CAPN3: variants seen among roughly 807,000 people sequenced by gnomAD.
CAPN3 encodes the protein calpain-3.
In CAPN3, 88 loss-of-function variants were observed where a neutral mutation model predicts 114.0. That is an observed-to-expected ratio of 0.77 (90% CI 0.65 to 0.92). The LOEUF (loss-of-function observed/expected upper bound fraction) is 0.92, where lower values mean the gene tolerates loss of function less well. CAPN3 is among the 40% of genes least tolerant of loss of function. CAPN3 has a pLI of 0.00. For synonymous variants in CAPN3, 386 were observed against 382.9 expected (o/e 1.01, Z -0.09); for missense variants, 1,028 against 1,069.0 (o/e 0.96, Z 0.53).
intron 1 of CAPN3, among the ~76,000 whole-genome samples, chr15:42,371,869 C>A (rs2052957554): frequency 6.6e-6 from 1 of 151,744 alleles, no homozygotes; most frequent in Non-Finnish European, 1.5e-5. Context: ...GAGGCTGAGG[C>A]AGGAGAATCG....
intron 6 of CAPN3, among the ~76,000 whole-genome samples, chr15:42,391,835 C>T (rs1385170804): frequency 6.6e-6 from 1 of 152,060 alleles, no homozygotes. Context: ...ATATTATGTT[C>T]CAGGTGGGTG....
intron 1 of CAPN3, among the ~76,000 whole-genome samples, chr15:42,375,324 C>T (rs1252222822): frequency 6.6e-6 from 1 of 152,106 alleles, no homozygotes; most frequent in Non-Finnish European, 1.5e-5. Flanking sequence ...CATTCATGTG[C>T]TGTCGCTTCT....
chr15:42,365,572 T>TCTTTTCCCCTCAC lies in CAPN3; in HGVS notation c.309+5474_309+5486dup, dbSNP rs778272397. On this transcript the variant is annotated intron_variant, in intron 1 of 23. Coordinates refer to ENST00000397163, the MANE Select transcript of CAPN3 (RefSeq NM_000070.3). ...TGGTGGCTGGAGCTCCAGCTATGGG[T>TCTTTTCCCCTCAC]CTTTTCCCCTCACCTTTTCCCCTCA... Among the ~76,000 whole-genome samples the TCTTTTCCCCTCAC allele has an allele frequency of 9.9e-4, 151 of 151,932 alleles. 1 individual carries two copies. The highest frequency in any genetic ancestry group is 3.5e-3 in the African/African-American group (145 of 41,394).
chr15:42,403,874 A>AG, intron 14 of CAPN3, 97 bp downstream of exon 14: 1 of 1,061,328 alleles, frequency 9.4e-7, no homozygotes. Flanking sequence ...GCACTGGCAG[A>AG]GGGAATGGGA....
At position 42,368,135 on chromosome 15, in the gene CAPN3, A is replaced by C. The variant is rs139829711; in HGVS notation, c.309+8021A>C. Among the ~76,000 whole-genome samples, 243 of 152,286 alleles carry C rather than the reference A, an allele frequency of 1.6e-3. 1 individual carries two copies. The highest frequency in any genetic ancestry group is 5.6e-3 in the African/African-American group (234 of 41,564). ...CCTACTCGCTAAGGTTTGTCTCCTC[A>C]AAATTAGTACTTGAGGTGTTTTTGC... On this transcript the variant is annotated intron_variant, in intron 1 of 23. Coordinates refer to ENST00000397163, the MANE Select transcript of CAPN3 (RefSeq NM_000070.3).
rs148855999 is a variant in CAPN3 at position 42,387,838 on chromosome 15, A to G, written c.584A>G (p.Asn195Ser). 8.6e-5 allele frequency: 139 copies of G among 1,614,192 alleles called. No individual in the cohort carries two copies. The highest frequency in any genetic ancestry group is 1.5e-4 in the African/African-American group (11 of 75,050). ...YNNQLVFTKS[N>S]HRNEFWSALL... Reference sequence around the variant, plus strand: ...AATCAACTGGTTTTCACCAAGTCCAACCACCGCAATGAGTTCTGGAGTGCT... The same window carrying G: ...AATCAACTGGTTTTCACCAAGTCCAGCCACCGCAATGAGTTCTGGAGTGCT... The change falls in exon 4 of 24, where the codon AAC (asparagine) becomes AGC (serine). Residue 195 changes from asparagine to serine, a missense_variant. By Grantham distance (46) the Asn-to-Ser change is conservative (BLOSUM62 1). Transcript: ENST00000397163.
rs1203610281 is a variant in CAPN3, at chr15:42,410,684, G to A, written c.2263+18G>A. The stretch of plus-strand genomic sequence containing the variant: ...CGACGCAGGTGCTGAGAAGGAAGGG[G>A]TGGCAGGGATGTGGACCCGAGACGG... On this transcript the variant is annotated intron_variant, in intron 21 of 23. Coordinates refer to ENST00000397163, the MANE Select transcript of CAPN3 (RefSeq NM_000070.3). The A allele has an allele frequency of 1.2e-6, 2 of 1,607,884 alleles. No individual in the cohort carries two copies. The highest frequency in any genetic ancestry group is 1.3e-5 in the African/African-American group (1 of 74,764).
At chr15:42,364,985 A>G (rs1373894342) in intron 1 of CAPN3, among the ~76,000 whole-genome samples, 1 of 152,152 alleles carries the variant, frequency 6.6e-6, no homozygotes, top group Non-Finnish European at 1.5e-5. Context: ...CCTTGGTAAC[A>G]TGGGATCCCA....
intron 1 of CAPN3, among the ~76,000 whole-genome samples, chr15:42,361,895 T>C (rs894437715): frequency 6.6e-6 from 1 of 152,230 alleles, no homozygotes; most frequent in Non-Finnish European, 1.5e-5. Flanking sequence ...TTTTTGTTCC[T>C]ATCTGAACCT....
At chr15:42,404,542 T>C (rs74009085) in intron 14 of CAPN3, among the ~76,000 whole-genome samples, 1 of 152,286 alleles carries the variant, frequency 6.6e-6, no homozygotes, top group African/African-American at 2.4e-5. Flanking sequence ...ACTCTCTGAC[T>C]CCAGACTTAG....
chr15:42,404,144 T>C, intron 14 of CAPN3: 1 of 465,660 alleles, frequency 2.1e-6, no homozygotes, highest in South Asian at 1.5e-5. Flanking sequence ...GAAAGTAAGC[T>C]GGTGCCGGAC....
In CAPN3 at chr15:42,408,599, A is replaced by C. The variant is rs1441958668; in HGVS notation, c.1914+275A>C. The C allele has an allele frequency of 9.2e-6, 4 of 433,342 alleles. No homozygotes were observed. In the Admixed American group the frequency reaches 1.2e-4, roughly 13 times the overall value. The allele number at this position is 433,342 out of a possible 1,614,324, so 26.8% of individuals were successfully genotyped here. On this transcript the variant is annotated intron_variant, in intron 16 of 23. Coordinates refer to ENST00000397163, the MANE Select transcript of CAPN3 (RefSeq NM_000070.3). ...AGCCAGGATACAGAGAAGGGGAGGCAAAGGCTGAGACAGAACCAGCTTGAG... is the reference window on the plus strand; with the variant it reads ...AGCCAGGATACAGAGAAGGGGAGGCCAAGGCTGAGACAGAACCAGCTTGAG...
chr15:42,377,114 AATAAAG>A (rs1465260142), intron 1 of CAPN3, among the ~76,000 whole-genome samples: 1 of 151,722 alleles, frequency 6.6e-6, no homozygotes, highest in Non-Finnish European at 1.5e-5. Context: ...GTCATCTGTA[AATAAAG>A]ATAGTTTTTT....
At chr15:42,383,982 T>TA in intron 1 of CAPN3, among the ~76,000 whole-genome samples, 1 of 152,326 alleles carries the variant, frequency 6.6e-6, no homozygotes, top group East Asian at 1.9e-4. Flanking sequence ...TGCTACTTAC[T>TA]AGCTGTGTGT....
chr15:42,359,558 C>A lies in CAPN3; in HGVS notation c.-248C>A. ...TGCTGGTAGGAGACCCCCAAGTCAA[C>A]ATTGCTTCAGAAATCCTTTAGCACT... On this transcript the variant is annotated 5_prime_UTR_variant, in exon 1 of 24. Coordinates refer to ENST00000397163, the MANE Select transcript of CAPN3 (RefSeq NM_000070.3). 2.9e-6 allele frequency: 4 copies of A among 1,368,308 alleles called. No homozygotes were observed. The highest frequency in any genetic ancestry group is 3.8e-6 in the Non-Finnish European group (4 of 1,060,516). 84.8% of individuals were successfully genotyped at this position (1,368,308 alleles called of 1,614,324 possible).
chr15:42,384,001 G>A (rs1294797768), intron 1 of CAPN3, among the ~76,000 whole-genome samples: 2 of 152,170 alleles, frequency 1.3e-5, no homozygotes, highest in East Asian at 1.9e-4. Flanking sequence ...GTCTTTGCAC[G>A]AGTTTCTTAA....
intron 16 of CAPN3, chr15:42,408,962 C>CTCGGT: frequency 2.8e-6 from 1 of 351,140 alleles, no homozygotes; most frequent in South Asian, 2.8e-5. Context: ...GGAATCAGAA[C>CTCGGT]GGTCAGACCT....
chr15:42,389,171 T>G, intron 5 of CAPN3, 75 bp downstream of exon 5: 1 of 1,426,050 alleles, frequency 7.0e-7, no homozygotes, highest in Non-Finnish European at 9.8e-7. Flanking sequence ...AAGGGCAGCA[T>G]AGAGCTTTTG....
chr15:42,365,055 G>A (rs2052743622), intron 1 of CAPN3, among the ~76,000 whole-genome samples: 1 of 152,230 alleles, frequency 6.6e-6, no homozygotes, highest in Admixed American at 6.5e-5. Flanking sequence ...GCTTCCAGCA[G>A]TGGACCCTGA....
Sources: gnomAD v4.1 joint callset for allele counts (sites outside exome capture counted in the v4.1 genomes callset) on GRCh38, gnomAD v4.1.1 for gene constraint, MANE v1.5 for transcripts, NCBI Gene and HGNC (gene_info 2026-07-23, HGNC 2026-07-21) for gene names.